SLC39A11: variants seen among roughly 807,000 people sequenced by gnomAD.
SLC39A11 encodes the protein solute carrier family 39 member 11.
Under a neutral mutation model 36.1 loss-of-function variants are expected in SLC39A11, and 33 were observed. The observed-to-expected ratio is 0.91, with a 90% confidence interval of 0.69 to 1.22. The LOEUF is 1.22. SLC39A11 is among the 50% of genes most tolerant of loss of function. The pLI, the probability that SLC39A11 is intolerant of heterozygous loss-of-function variation, is 0.00. For missense variants in SLC39A11, 432 were observed against 430.3 expected, an observed-to-expected ratio of 1.00 and a Z score of -0.03; for synonymous variants, 166 against 170.3, an observed-to-expected ratio of 0.97 and a Z score of 0.20.
chr17:72,750,453 T>G (rs373443632), intron 6 of SLC39A11, among the ~76,000 whole-genome samples: 10 of 151,450 alleles, frequency 6.6e-5, no homozygotes, highest in Admixed American at 3.9e-4. Flanking sequence ...GAGGACTTAT[T>G]TATGTTTTTG....
chr17:72,905,578 C>A lies in SLC39A11; in HGVS notation c.430+42174G>T, dbSNP rs111525883. 2.5e-3 allele frequency among the ~76,000 whole-genome samples: 372 copies of A among 151,216 alleles called. 1 individual carries two copies. Among genetic ancestry groups the A allele is most frequent in the African/African-American group, 8.9e-3 (365 of 41,196 alleles). On this transcript the variant is annotated intron_variant, in intron 5 of 9. Coordinates refer to ENST00000255559, the MANE Select transcript of SLC39A11 (RefSeq NM_139177.4). ...CACCACTGCACTCCAGCCTGGGTGA[C>A]AGAGCAAGACTCTGTCTCTAAAAAA...
intron 6 of SLC39A11, among the ~76,000 whole-genome samples, chr17:72,751,955 C>T (rs942256960): frequency 1.3e-5 from 2 of 152,142 alleles, no homozygotes; most frequent in Non-Finnish European, 2.9e-5. Flanking sequence ...CTCCCTCCCA[C>T]AGCCCCTGGC....
At chr17:72,723,353 T>TGTGTGTGTGTG (rs1567987031) in intron 7 of SLC39A11, among the ~76,000 whole-genome samples, 1 of 148,902 alleles carries the variant, frequency 6.7e-6, no homozygotes, top group African/African-American at 2.5e-5. Context: ...TGTGTGTGTG[T>TGTGTGTGTGTG]TTGCAGCCTA....
intron 6 of SLC39A11, among the ~76,000 whole-genome samples, chr17:72,788,404 C>T (rs151032981): frequency 6.6e-6 from 1 of 152,324 alleles, no homozygotes; most frequent in East Asian, 1.9e-4. Context: ...TCTAGAGGGT[C>T]CCTGAAGATT....
At chr17:72,939,395 G>A (rs1368830280) in intron 5 of SLC39A11, among the ~76,000 whole-genome samples, 4 of 150,962 alleles carry the variant, frequency 2.6e-5, no homozygotes, top group African/African-American at 4.9e-5. Flanking sequence ...GGAGGCGGAG[G>A]TTGCAGTGAG....
intron 6 of SLC39A11, among the ~76,000 whole-genome samples, chr17:72,743,928 G>A (rs781350440): frequency 1.8e-4 from 28 of 152,310 alleles, no homozygotes; most frequent in Non-Finnish European, 2.9e-4. Flanking sequence ...CCGACTGAAC[G>A]CAGGGTGAGG....
intron 6 of SLC39A11, among the ~76,000 whole-genome samples, chr17:72,824,516 A>T (rs1169178309): frequency 6.6e-6 from 1 of 151,364 alleles, no homozygotes; most frequent in Non-Finnish European, 1.5e-5. Context: ...TGTGGACGTG[A>T]CTTTGGAACT....
At chr17:72,648,405 A>G (rs1020124350) in intron 9 of SLC39A11, among the ~76,000 whole-genome samples, 1 of 151,734 alleles carries the variant, frequency 6.6e-6, no homozygotes, top group Non-Finnish European at 1.5e-5. Context: ...CCTTACTCCC[A>G]CCTTCTGACA....
intron 4 of SLC39A11, among the ~76,000 whole-genome samples, chr17:73,014,162 G>T (rs1367893281): frequency 2.0e-5 from 3 of 152,050 alleles, no homozygotes; most frequent in African/African-American, 7.2e-5. Flanking sequence ...CATGTCTCCT[G>T]GGGCCTCAGC....
At chr17:72,838,231 C>CT (rs574382302) in intron 6 of SLC39A11, 39,778 of 291,806 alleles carry the variant, frequency 0.14, 886 homozygotes, top group African/African-American at 0.21. Flanking sequence ...CTTTCCTTTT[C>CT]TTTTTTTTTT....
intron 3 of SLC39A11, among the ~76,000 whole-genome samples, chr17:73,041,444 C>T (rs2059111464): frequency 6.6e-6 from 1 of 152,114 alleles, no homozygotes; most frequent in African/African-American, 2.4e-5. Context: ...CTAAAAGAGA[C>T]CTGATGGAAG....
intron 5 of SLC39A11, among the ~76,000 whole-genome samples, chr17:72,859,174 C>T (rs1305938051): frequency 1.3e-5 from 2 of 152,148 alleles, no homozygotes; most frequent in Non-Finnish European, 2.9e-5. Flanking sequence ...AATCTTCTTT[C>T]CCTCATAGCT....
At chr17:73,051,237 T>C (rs1221511238) in intron 3 of SLC39A11, among the ~76,000 whole-genome samples, 1 of 152,212 alleles carries the variant, frequency 6.6e-6, no homozygotes, top group Non-Finnish European at 1.5e-5. Context: ...TGTTTGTCTG[T>C]GTCCCTCTTC....
chr17:72,789,116 C>A (rs963243191), intron 6 of SLC39A11, among the ~76,000 whole-genome samples: 20 of 151,802 alleles, frequency 1.3e-4, no homozygotes, highest in African/African-American at 4.8e-4. Context: ...CTCACTGCAA[C>A]CTCTGCCTCC....
intron 3 of SLC39A11, among the ~76,000 whole-genome samples, chr17:73,070,330 G>C (rs1179115885): frequency 6.6e-6 from 1 of 152,102 alleles, no homozygotes; most frequent in East Asian, 1.9e-4. Context: ...TGTCAAGTAT[G>C]AGCCTTCCAT....
Position 72,900,104 on chromosome 17 carries a change from AAAGAAAAAGAAAGAAAG to A in SLC39A11, c.430+47631_430+47647del, listed in dbSNP as rs1447781712. 1.1e-4 allele frequency among the ~76,000 whole-genome samples: 15 copies of A among 140,580 alleles called. 4 individuals are homozygous for A. Among genetic ancestry groups the A allele is most frequent in the African/African-American group, 3.0e-4 (10 of 33,032 alleles). The allele number at this position is 140,580 out of a possible 152,430, so 92.2% of individuals were successfully genotyped here. A position where few individuals can be genotyped will look rare whatever the true frequency, so the allele number is the denominator to read the frequency against. On this transcript the variant is annotated intron_variant, in intron 5 of 9. Transcript: ENST00000255559. ...AGAGAAAGAGAAAGAGAAAAGAAAG[AAAGAAAAAGAAAGAAAG>A]AAAAGAAAGAAAGAAAGAAAAAGAA... is the stretch of plus-strand genomic sequence containing the variant.
intron 6 of SLC39A11, among the ~76,000 whole-genome samples, chr17:72,809,199 T>TTCCC (rs2077356435): frequency 9.8e-6 from 1 of 102,202 alleles, no homozygotes; most frequent in Non-Finnish European, 2.6e-5. Flanking sequence ...TTTCTTTTCT[T>TTCCC]TCTCTCTCTC....
chr17:72,704,608 C>T (rs147343865), intron 7 of SLC39A11, among the ~76,000 whole-genome samples: 96 of 152,286 alleles, frequency 6.3e-4, no homozygotes, highest in African/African-American at 2.1e-3. Context: ...TCAAAAAAGC[C>T]AAAGCGCCAT....
chr17:72,799,550 C>T (rs186688112), intron 6 of SLC39A11, among the ~76,000 whole-genome samples: 1 of 151,996 alleles, frequency 6.6e-6, no homozygotes, highest in Admixed American at 6.5e-5. Context: ...ATATTAATAC[C>T]CTGGGAAAGG....
Sources: gnomAD v4.1 joint callset for allele counts (sites outside exome capture counted in the v4.1 genomes callset) on GRCh38, gnomAD v4.1.1 for gene constraint, MANE v1.5 for transcripts, NCBI Gene and HGNC (gene_info 2026-07-23, HGNC 2026-07-21) for gene names.